Variants in NGEF observed in about 807,000 individuals in gnomAD.
NGEF encodes ephexin-1.
In NGEF, 31 loss-of-function variants were observed where a neutral mutation model predicts 80.9. The observed-to-expected ratio is 0.38, with a 90% CI of 0.29 to 0.52. NGEF has a LOEUF of 0.52. Among genes scored for constraint, NGEF ranks in the 20% least tolerant of loss-of-function variants. NGEF has a pLI of 0.84. For missense variants in NGEF, 709 were observed against 926.2 expected, an observed-to-expected ratio of 0.77 and a Z score of 3.04; for synonymous variants, 371 against 370.2, an observed-to-expected ratio of 1.00 and a Z score of -0.03.
chr2:232,946,533 C>T (rs1331982712), intron 3 of NGEF, among the ~76,000 whole-genome samples: 1 of 152,216 alleles, frequency 6.6e-6, no homozygotes, highest in African/African-American at 2.4e-5. Flanking sequence ...CTCACACGCA[C>T]ACATACATGG....
chr2:232,936,344 G>C (rs1693322828), intron 3 of NGEF, among the ~76,000 whole-genome samples: 1 of 152,194 alleles, frequency 6.6e-6, no homozygotes, highest in African/African-American at 2.4e-5. Context: ...ATCCCTGTGT[G>C]GTAAAGAATT....
At chr2:232,954,948 G>T (rs1352588923) in intron 3 of NGEF, among the ~76,000 whole-genome samples, 2 of 151,930 alleles carry the variant, frequency 1.3e-5, no homozygotes, top group Admixed American at 1.3e-4. Context: ...GGTCACGCAC[G>T]TTGGGGGCCG....
In NGEF at chr2:232,888,117, G is replaced by A. The variant is rs1439965492; in HGVS notation, c.1273-10C>T. 1 of 1,572,134 alleles carries A rather than the reference G, an allele frequency of 6.4e-7. No individual in the cohort carries two copies. Among genetic ancestry groups the A allele is most frequent in the East Asian group, 2.3e-5 (1 of 44,318 alleles). ...CCCTCTTCAGGATGTTCTATGCACA[G>A]AGAAAGGCTGCGTTAACTTTAATCT... On this transcript the variant is annotated splice_polypyrimidine_tract_variant and intron_variant, in intron 8 of 14. Transcript: ENST00000264051.
chr2:232,988,022 G>A (rs1232230372), intron 1 of NGEF, among the ~76,000 whole-genome samples: 1 of 148,662 alleles, frequency 6.7e-6, no homozygotes, highest in Non-Finnish European at 1.5e-5. Context: ...TCACCCTTCT[G>A]GAAGGGATGG....
intron 1 of NGEF, among the ~76,000 whole-genome samples, chr2:233,011,731 G>A (rs1339501763): frequency 3.9e-5 from 6 of 152,092 alleles, no homozygotes; most frequent in Non-Finnish European, 8.8e-5. Flanking sequence ...GAGACTACAG[G>A]CATGCATCAG....
At position 232,962,566 on chromosome 2, in the gene NGEF, G is replaced by A. The variant is rs188434036; in HGVS notation, c.383+7648C>T. On this transcript the variant is annotated intron_variant, in intron 3 of 14. Transcript: ENST00000264051. ...TCCATCTCAAAAAGAGCTAATAAGC[G>A]AATTTATTAAGATCACAGGATACTA... is the stretch of plus-strand genomic sequence containing the variant. 5.5e-3 allele frequency among the ~76,000 whole-genome samples: 840 copies of A among 151,708 alleles called. 21 individuals carry two copies. Among genetic ancestry groups the A allele is most frequent in the African/African-American group, 0.014 (565 of 41,168 alleles).
At chr2:232,998,150 C>T (rs1333497853) in intron 1 of NGEF, among the ~76,000 whole-genome samples, 1 of 152,022 alleles carries the variant, frequency 6.6e-6, no homozygotes, top group East Asian at 1.9e-4. Context: ...CCAGAGGAAA[C>T]CGCAGTGGGA....
At chr2:232,928,414 C>T (rs1693139954) in intron 3 of NGEF, among the ~76,000 whole-genome samples, 1 of 151,974 alleles carries the variant, frequency 6.6e-6, no homozygotes, top group African/African-American at 2.4e-5. Context: ...CTGCCCCGCC[C>T]ACTCCTCACG....
intron 5 of NGEF, among the ~76,000 whole-genome samples, chr2:232,897,052 A>T (rs1692117821): frequency 1.1e-5 from 1 of 94,820 alleles, no homozygotes; most frequent in Non-Finnish European, 2.1e-5. Context: ...GGTTAGGGGT[A>T]AGGGTGGGAG....
Position 232,879,497 on chromosome 2 carries a change from G to A in NGEF, c.2125C>T (p.Arg709Trp), listed in dbSNP as rs778839323. Residue 709 changes from arginine (R) to tryptophan (W), a missense_variant, in exon 15 of 15, where the codon CGG (arginine) becomes TGG (tryptophan). Physicochemically the swap from Arg to Trp is moderately radical, Grantham distance 101 (BLOSUM62 -3). This residue lies in a region of NGEF where 426 missense variants were observed against 622.9 expected (regional missense o/e 0.68). Transcript: ENST00000264051. ...GGCCCCCTGGGTGGGGGTCATTGCC[G>A]ATTCCGGCTGCCCAGCTTCCTGCGG... ...KDRRKLGSRN[R>W]Q 9 of 1,601,914 alleles carry A rather than the reference G, an allele frequency of 5.6e-6. No homozygotes were observed. The Admixed American group carries it at 6.7e-5, about 12-fold the overall frequency.
intron 4 of NGEF, 82 bp downstream of exon 4, chr2:232,926,962 A>T: frequency 1.3e-6 from 2 of 1,556,310 alleles, no homozygotes; most frequent in Non-Finnish European, 1.8e-6. Context: ...ACACAACGGC[A>T]TCCCATGAGC....
At chr2:232,970,030 TACAAA>T (rs1431996214) in intron 3 of NGEF, 179 bp downstream of exon 3, 7 of 376,702 alleles carry the variant, frequency 1.9e-5, no homozygotes, top group Admixed American at 9.8e-5. Context: ...AAAATTACTG[TACAAA>T]ACAAAAGTTT....
rs549986405 is a variant in NGEF, at chr2:232,885,158, C to A, written c.1437+122G>T. On this transcript the variant is annotated intron_variant, in intron 10 of 14. Coordinates refer to ENST00000264051, the MANE Select transcript of NGEF (RefSeq NM_019850.3). ...GGGGAGGTCAGGGGGCAGAGGGGAT[C>A]CTAAGTGTGGCCAGTGACCAAGGAC... The A allele has an allele frequency of 5.8e-6, 5 of 855,602 alleles. No individual in the cohort carries two copies. The East Asian group carries it at 7.3e-5, about 13-fold the overall frequency. The allele number at this position is 855,602 out of a possible 1,614,324, so 53.0% of individuals were successfully genotyped here. A position where few individuals can be genotyped will look rare whatever the true frequency, so the allele number is the denominator to read the frequency against.
intron 1 of NGEF, among the ~76,000 whole-genome samples, chr2:233,007,271 TA>T (rs1253935097): frequency 6.6e-6 from 1 of 152,108 alleles, no homozygotes; most frequent in African/African-American, 2.4e-5. Context: ...AATACAATTC[TA>T]ACTTTTAAAG....
At chr2:232,998,143 G>A (rs1459402615) in intron 1 of NGEF, among the ~76,000 whole-genome samples, 1 of 152,176 alleles carries the variant, frequency 6.6e-6, no homozygotes, top group Admixed American at 6.5e-5. Context: ...CCTCTTCCCA[G>A]AGGAAACCGC....
At chr2:233,006,048 C>T (rs1272955456) in intron 1 of NGEF, among the ~76,000 whole-genome samples, 1 of 152,184 alleles carries the variant, frequency 6.6e-6, no homozygotes. Context: ...AACTCTTGAC[C>T]TCAAGTGATC....
intron 3 of NGEF, among the ~76,000 whole-genome samples, chr2:232,962,941 A>C (rs1217624682): frequency 1.3e-5 from 2 of 151,974 alleles, no homozygotes; most frequent in Admixed American, 1.3e-4. Context: ...TGGAATGACT[A>C]AGTCAAGCTA....
chr2:232,936,879 C>T lies in NGEF; in HGVS notation c.384-9693G>A, dbSNP rs562698067. On this transcript the variant is annotated intron_variant, in intron 3 of 14. Coordinates refer to ENST00000264051, the MANE Select transcript of NGEF (RefSeq NM_019850.3). Reference sequence around the variant, plus strand: ...GAAACTGAGGGTGAATTTGGGCACCCCCAAACTCTGCCGTTCATGTCAAAA... The same window carrying T: ...GAAACTGAGGGTGAATTTGGGCACCTCCAAACTCTGCCGTTCATGTCAAAA... Among the ~76,000 whole-genome samples the T allele has an allele frequency of 1.1e-4, 17 of 152,276 alleles. No homozygotes were observed. The East Asian group carries it at 1.2e-3, about 10-fold the overall frequency.
At chr2:232,942,980 T>G (rs1693471703) in intron 3 of NGEF, among the ~76,000 whole-genome samples, 1 of 150,958 alleles carries the variant, frequency 6.6e-6, no homozygotes, top group South Asian at 2.1e-4. Context: ...TTTTCTAATT[T>G]TAAAGCCATG....
Sources: gnomAD v4.1 joint callset for allele counts (sites outside exome capture counted in the v4.1 genomes callset) on GRCh38, gnomAD v4.1.1 for gene constraint, gnomAD v4.1.1 regional missense constraint, MANE v1.5 for transcripts, NCBI Gene and HGNC (gene_info 2026-07-23, HGNC 2026-07-21) for gene names.